EBF1: variants seen among roughly 807,000 people sequenced by gnomAD.
The protein encoded by EBF1 is transcription factor COE1.
Under a neutral mutation model 68.4 loss-of-function variants are expected in EBF1, and 10 were observed. The observed-to-expected ratio is 0.15, with a 90% CI of 0.09 to 0.25. EBF1 has a LOEUF of 0.25. EBF1 is among the 10% of genes least tolerant of loss of function. The probability of loss-of-function intolerance (pLI) is 1.00; values close to 1 mark genes in which losing one functional copy is unlikely to be tolerated. For synonymous variants in EBF1, 298 were observed against 299.8 expected, an observed-to-expected ratio of 0.99 and a Z score of 0.06; for missense variants, 509 against 794.4, an observed-to-expected ratio of 0.64 and a Z score of 4.32.
intron 6 of EBF1, among the ~76,000 whole-genome samples, chr5:159,013,691 A>C (rs1337552860): frequency 1.3e-5 from 2 of 152,058 alleles, no homozygotes; most frequent in African/African-American, 4.8e-5. Flanking sequence ...CCAGTGGGAA[A>C]CCAATAAGGA....
chr5:158,757,868 A>C (rs1770481605), intron 10 of EBF1, among the ~76,000 whole-genome samples: 1 of 152,170 alleles, frequency 6.6e-6, no homozygotes, highest in Non-Finnish European at 1.5e-5. Context: ...TATTAATAAG[A>C]ATCGGGGGCT....
At chr5:159,073,745 G>A (rs995094768) in intron 5 of EBF1, 28 of 416,892 alleles carry the variant, frequency 6.7e-5, no homozygotes, top group Admixed American at 1.1e-4. Flanking sequence ...GACTGCCCGC[G>A]GTGCTGGCAG....
chr5:159,002,663 T>G (rs969363270), intron 6 of EBF1, among the ~76,000 whole-genome samples: 1 of 152,190 alleles, frequency 6.6e-6, no homozygotes, highest in Admixed American at 6.5e-5. Context: ...GACATAGTTT[T>G]TATATATATA....
At chr5:158,788,772 TTACAGACACGTGTACC>T (rs1777964172) in intron 9 of EBF1, among the ~76,000 whole-genome samples, 1 of 152,204 alleles carries the variant, frequency 6.6e-6, no homozygotes, top group South Asian at 2.1e-4. Flanking sequence ...TATTTTCAAG[TTACAGACACGTGTACC>T]TCCTGAACAC....
intron 6 of EBF1, among the ~76,000 whole-genome samples, chr5:158,998,680 A>G (rs1410778258): frequency 2.6e-5 from 4 of 152,224 alleles, no homozygotes; most frequent in Non-Finnish European, 5.9e-5. Flanking sequence ...ATTTTCAGCA[A>G]AATTATTCTA....
chr5:158,939,899 T>C (rs898639425), intron 6 of EBF1, among the ~76,000 whole-genome samples: 2 of 152,158 alleles, frequency 1.3e-5, no homozygotes, highest in African/African-American at 4.8e-5. Context: ...CCATGGATTA[T>C]GAAGTCTGAA....
intron 6 of EBF1, among the ~76,000 whole-genome samples, chr5:158,909,295 A>G (rs1805371875): frequency 6.6e-6 from 1 of 151,876 alleles, no homozygotes; most frequent in Non-Finnish European, 1.5e-5. Context: ...GTCTGTTTGG[A>G]TTTTGGTGGG....
intron 10 of EBF1, among the ~76,000 whole-genome samples, chr5:158,738,716 C>G (rs1369571791): frequency 6.6e-6 from 1 of 152,190 alleles, no homozygotes; most frequent in Non-Finnish European, 1.5e-5. Flanking sequence ...TAAATTAGCA[C>G]AGAAGCCTCA....
In EBF1 at chr5:158,698,821, T is replaced by TAAA; in HGVS notation, c.*287_*289dup. 3 of 264,326 alleles carry TAAA rather than the reference T, an allele frequency of 1.1e-5. No homozygotes were observed. The highest frequency in any genetic ancestry group is 2.1e-5 in the Non-Finnish European group (3 of 143,698). 16.4% of individuals were successfully genotyped at this position (264,326 alleles called of 1,614,324 possible). On this transcript the variant is annotated 3_prime_UTR_variant, in exon 16 of 16. Transcript: ENST00000313708. Reference sequence around the variant, plus strand: ...AGACAAATGATTGCAGAATTAAGCTTAAAAAAAAAAAAGAAAAAGAAAAAG... The same window carrying TAAA: ...AGACAAATGATTGCAGAATTAAGCTTAAAAAAAAAAAAAAAGAAAAAGAAAAAG...
chr5:158,768,934 T>TA, intron 10 of EBF1, among the ~76,000 whole-genome samples: 1 of 152,174 alleles, frequency 6.6e-6, no homozygotes, highest in African/African-American at 2.4e-5. Context: ...TATATCATAC[T>TA]AAAAAGATTA....
At position 158,897,166 on chromosome 5, in the gene EBF1, CCAAAT is replaced by C. The variant is rs904608026; in HGVS notation, c.555-57061_555-57057del. Among the ~76,000 whole-genome samples the C allele has an allele frequency of 5.6e-4, 85 of 152,210 alleles. 1 individual carries two copies. The highest frequency in any genetic ancestry group is 2.0e-3 in the African/African-American group (81 of 41,526). On this transcript the variant is annotated intron_variant, in intron 6 of 15. Transcript: ENST00000313708. ...ACAATAACAAAGACATGGAATCAAC[CCAAAT>C]GCCCATCAGTGATAGACTGGATAAA...
intron 5 of EBF1, among the ~76,000 whole-genome samples, chr5:159,081,933 T>C (rs890237376): frequency 6.6e-6 from 1 of 152,112 alleles, no homozygotes; most frequent in Admixed American, 6.5e-5. Flanking sequence ...AGGCAGAGAC[T>C]CTCTCAGAAT....
chr5:159,082,985 G>A (rs1012205947), intron 5 of EBF1, among the ~76,000 whole-genome samples: 1 of 152,160 alleles, frequency 6.6e-6, no homozygotes, highest in Non-Finnish European at 1.5e-5. Context: ...TAGAGGGTAG[G>A]CCTGTGTGTG....
intron 6 of EBF1, among the ~76,000 whole-genome samples, chr5:158,862,694 G>A (rs1436924423): frequency 6.6e-6 from 1 of 152,056 alleles, no homozygotes; most frequent in Non-Finnish European, 1.5e-5. Flanking sequence ...CATTTTTTAA[G>A]CGATCTCTGC....
intron 6 of EBF1, among the ~76,000 whole-genome samples, chr5:158,866,505 G>C (rs989530684): frequency 1.3e-5 from 2 of 151,952 alleles, no homozygotes; most frequent in Admixed American, 1.3e-4. Context: ...TACTATTAAT[G>C]TAGCTAATAC....
intron 5 of EBF1, among the ~76,000 whole-genome samples, chr5:159,077,088 A>G (rs1778907546): frequency 6.6e-6 from 1 of 152,192 alleles, no homozygotes; most frequent in African/African-American, 2.4e-5. Flanking sequence ...TTTTACAAGT[A>G]TGGTTCACTC....
At chr5:158,937,081 G>T (rs1325233282) in intron 6 of EBF1, among the ~76,000 whole-genome samples, 2 of 149,576 alleles carry the variant, frequency 1.3e-5, no homozygotes, top group East Asian at 4.0e-4. Context: ...CTAAATTCAT[G>T]CTTCCTCTGC....
intron 6 of EBF1, among the ~76,000 whole-genome samples, chr5:158,852,044 G>GAGGT (rs1793000117): frequency 1.9e-5 from 1 of 51,948 alleles, no homozygotes; most frequent in Non-Finnish European, 4.0e-5. Flanking sequence ...GGTGGGGAGG[G>GAGGT]GAGGAGAGGG....
chr5:158,982,672 G>A (rs2127589201), intron 6 of EBF1, among the ~76,000 whole-genome samples: 1 of 146,684 alleles, frequency 6.8e-6, no homozygotes, highest in Non-Finnish European at 1.5e-5. Flanking sequence ...TCCATCACAA[G>A]TCCAGCTTGC....
Sources: allele counts gnomAD v4.1 joint callset (sites outside exome capture counted in the v4.1 genomes callset), GRCh38; gene constraint gnomAD v4.1.1; transcripts MANE v1.5; gene names NCBI Gene and HGNC (gene_info 2026-07-23, HGNC 2026-07-21).